UXS1: variants seen among roughly 807,000 people sequenced by gnomAD.
The protein encoded by UXS1 is UDP-glucuronic acid decarboxylase 1.
Under a neutral mutation model 62.6 loss-of-function variants are expected in UXS1, and 33 were observed. The observed-to-expected ratio is 0.53, with a 90% CI of 0.40 to 0.70. The LOEUF is 0.70. Among genes scored for constraint, UXS1 ranks in the 30% least tolerant of loss-of-function variants. The pLI, the probability that UXS1 is intolerant of heterozygous loss-of-function variation, is 0.00. For missense variants in UXS1, 434 were observed against 556.3 expected, an observed-to-expected ratio of 0.78 and a Z score of 2.21; for synonymous variants, 213 against 206.8, an observed-to-expected ratio of 1.03 and a Z score of -0.26.
chr2:106,122,766 T>A (rs956571069), intron 9 of UXS1, among the ~76,000 whole-genome samples: 5 of 152,186 alleles, frequency 3.3e-5, no homozygotes, highest in African/African-American at 1.2e-4. Flanking sequence ...AGAATTGATC[T>A]CTAGGAAATC....
chr2:106,096,950 C>T, intron 13 of UXS1, 129 bp from the exon 14 acceptor site: 2 of 916,184 alleles, frequency 2.2e-6, no homozygotes, highest in South Asian at 1.4e-5. Flanking sequence ...AAATGCAGTT[C>T]TCTGAGAAGC....
intron 5 of UXS1, among the ~76,000 whole-genome samples, chr2:106,156,861 G>A (rs568415819): frequency 6.6e-6 from 1 of 152,032 alleles, no homozygotes; most frequent in South Asian, 2.1e-4. Context: ...AGATATGGAG[G>A]GCCTACTGTA....
intron 1 of UXS1, among the ~76,000 whole-genome samples, chr2:106,184,802 G>C (rs146217141): frequency 2.1e-3 from 317 of 152,230 alleles, no homozygotes; most frequent in Middle Eastern, 0.01. Context: ...GGCCTGTACA[G>C]AAGTACCATA....
At chr2:106,123,283 A>G (rs894559676) in intron 8 of UXS1, among the ~76,000 whole-genome samples, 192 bp from the exon 9 acceptor site, 2 of 130,226 alleles carry the variant, frequency 1.5e-5, no homozygotes, top group African/African-American at 2.8e-5. Flanking sequence ...AGCAATGACA[A>G]TATTTTACTT....
At position 106,098,723 on chromosome 2, in the gene UXS1, G is replaced by A; in HGVS notation, c.1035C>T (p.Asn345=). 2.5e-6 allele frequency: 4 copies of A among 1,610,878 alleles called. No homozygotes were observed. The African/African-American group carries it at 5.3e-5, about 21-fold the overall frequency. The change falls in exon 13 of 15, where the codon AAC becomes AAT. Residue 345 remains asparagine, a synonymous_variant. Coordinates refer to ENST00000283148, the MANE Select transcript of UXS1 (RefSeq NM_001253875.2). The stretch of plus-strand genomic sequence containing the variant: ...ATGACTTATCCTACTTACCAACAAG[G>A]TTTTTAATTAACTGAGCAAATTCTA... The part of the protein sequence containing the change: ...TILEFAQLIK[N]LVGSGSEIQF...
intron 12 of UXS1, 87 bp from the exon 13 acceptor site, chr2:106,098,860 C>G (rs1677346515): frequency 3.2e-6 from 4 of 1,264,872 alleles, no homozygotes; most frequent in Non-Finnish European, 4.5e-6. Context: ...GCAGAGACGT[C>G]TACTGGCCGA....
At chr2:106,156,733 T>C (rs1375460637) in intron 5 of UXS1, among the ~76,000 whole-genome samples, 1 of 152,216 alleles carries the variant, frequency 6.6e-6, no homozygotes, top group Non-Finnish European at 1.5e-5. Flanking sequence ...TATACTGTAT[T>C]GTTTAGGGAA....
intron 10 of UXS1, among the ~76,000 whole-genome samples, chr2:106,111,046 G>C (rs1678559540): frequency 6.6e-6 from 1 of 152,216 alleles, no homozygotes. Context: ...CCCGTGCTCT[G>C]CTGGAGCTGC....
chr2:106,159,556 G>A lies in UXS1; in HGVS notation c.231-1438C>T, dbSNP rs189116895. On this transcript the variant is annotated intron_variant, in intron 4 of 14. Coordinates refer to ENST00000283148, the MANE Select transcript of UXS1 (RefSeq NM_001253875.2). ...CTGAATATAAAACGTCCAGTGAGAG[G>A]TAATAAACACAGAACTGAAATATTC... is the stretch of plus-strand genomic sequence containing the variant. Among the ~76,000 whole-genome samples, 367 of 152,280 alleles carry A rather than the reference G, an allele frequency of 2.4e-3. 2 individuals are homozygous for A. Among genetic ancestry groups the A allele is most frequent in the Non-Finnish European group, 3.5e-3 (238 of 68,028 alleles).
At chr2:106,110,312 C>T (rs1473290270) in intron 10 of UXS1, among the ~76,000 whole-genome samples, 9 of 152,168 alleles carry the variant, frequency 5.9e-5, no homozygotes, top group Admixed American at 5.9e-4. Context: ...GGTGTGAAGA[C>T]AACACATGAG....
chr2:106,152,478 G>A (rs1261457493), intron 5 of UXS1, among the ~76,000 whole-genome samples: 2 of 61,326 alleles, frequency 3.3e-5, no homozygotes, highest in African/African-American at 6.2e-5. Flanking sequence ...AGAAAGGAAG[G>A]AAGGAAGGGA....
At chr2:106,157,752 C>T (rs563930850) in intron 5 of UXS1, among the ~76,000 whole-genome samples, 1 of 152,288 alleles carries the variant, frequency 6.6e-6, no homozygotes, top group African/African-American at 2.4e-5. Context: ...TCAAATATCA[C>T]ATTATTTCTT....
At chr2:106,113,963 C>T (rs1368848112) in intron 9 of UXS1, among the ~76,000 whole-genome samples, 2 of 152,208 alleles carry the variant, frequency 1.3e-5, no homozygotes, top group Non-Finnish European at 2.9e-5. Context: ...TCAATTTCGG[C>T]CAACACCTTA....
chr2:106,185,323 T>C (rs1053749773), intron 1 of UXS1, among the ~76,000 whole-genome samples: 3 of 152,142 alleles, frequency 2.0e-5, no homozygotes, highest in Non-Finnish European at 2.9e-5. Flanking sequence ...AATGGGAAAA[T>C]TGTTGAAAAT....
chr2:106,159,474 C>G (rs1682722929), intron 4 of UXS1: 1 of 152,226 alleles, frequency 6.6e-6, no homozygotes, highest in Admixed American at 6.5e-5. Context: ...TCTTGCTGCC[C>G]TAAGGTGCCA....
Position 106,138,607 on chromosome 2 carries a change from G to A in UXS1, c.472+6583C>T, listed in dbSNP as rs544237289. 14 of 985,594 alleles carry A rather than the reference G, an allele frequency of 1.4e-5. No individual in the cohort carries two copies. In the East Asian group the frequency reaches 4.5e-4, roughly 32 times the overall value. 61.1% of individuals were successfully genotyped at this position (985,594 alleles called of 1,614,324 possible). On this transcript the variant is annotated intron_variant, in intron 6 of 14. Coordinates refer to ENST00000283148, the MANE Select transcript of UXS1 (RefSeq NM_001253875.2). ...TCCACAAAAGTTAGCTGAGAGAAGA[G>A]ATGAGCGTAAACTGGGGTTTTTCCA...
intron 1 of UXS1, among the ~76,000 whole-genome samples, chr2:106,181,857 G>A (rs1200678930): frequency 6.6e-6 from 1 of 152,222 alleles, no homozygotes; most frequent in East Asian, 1.9e-4. Context: ...AACGTAACAT[G>A]TAAAGCTCTA....
At chr2:106,153,353 G>A (rs1426356084) in intron 5 of UXS1, among the ~76,000 whole-genome samples, 1 of 152,194 alleles carries the variant, frequency 6.6e-6, no homozygotes, top group Non-Finnish European at 1.5e-5. Flanking sequence ...ATACTGCACA[G>A]GCTTAATAGA....
chr2:106,094,344 C>A (rs1676907847), intron 14 of UXS1, among the ~76,000 whole-genome samples, 187 bp from the exon 15 acceptor site: 1 of 150,990 alleles, frequency 6.6e-6, no homozygotes. Context: ...CGAGAGAAGC[C>A]AGAAGTCCTT....
Sources: allele counts gnomAD v4.1 joint callset (sites outside exome capture counted in the v4.1 genomes callset), GRCh38; gene constraint gnomAD v4.1.1; transcripts MANE v1.5; gene names NCBI Gene and HGNC (gene_info 2026-07-23, HGNC 2026-07-21).